The following CTNNA3 variants were observed in gnomAD, a reference collection of about 807,000 sequenced individuals.
CTNNA3 encodes catenin alpha 3, also known as catenin alpha-3.
Under a neutral mutation model 95.7 loss-of-function variants are expected in CTNNA3, and 76 were observed. The observed-to-expected ratio is 0.79, with a 90% CI of 0.66 to 0.96. CTNNA3 has a LOEUF of 0.96. Ranked by LOEUF, CTNNA3 falls within the 40% of genes least tolerant of loss-of-function variation. The pLI is 0.00. For synonymous variants in CTNNA3, 431 were observed against 374.4 expected (o/e 1.15, Z -1.74); for missense variants, 1,191 against 1,089.8 (o/e 1.09, Z -1.31).
intron 5 of CTNNA3, among the ~76,000 whole-genome samples, chr10:67,246,343 G>A (rs1228042873): frequency 1.3e-5 from 2 of 152,154 alleles, no homozygotes; most frequent in Non-Finnish European, 2.9e-5. Flanking sequence ...GCACCAAATG[G>A]AATCAGCAGA....
intron 1 of CTNNA3, among the ~76,000 whole-genome samples, chr10:67,671,598 G>C: frequency 6.6e-6 from 1 of 151,218 alleles, no homozygotes. Flanking sequence ...CTATGAGTGA[G>C]AACATGCGGT....
chr10:66,942,576 C>G (rs868709744), intron 7 of CTNNA3, among the ~76,000 whole-genome samples: 1,518 of 140,330 alleles, frequency 0.011, 16 homozygotes, highest in African/African-American at 0.028. Flanking sequence ...CTCTCTCTCT[C>G]TGTGTGTGTG....
At chr10:67,685,708 C>T (rs554455895) in intron 1 of CTNNA3, among the ~76,000 whole-genome samples, 3 of 152,280 alleles carry the variant, frequency 2.0e-5, no homozygotes, top group Non-Finnish European at 4.4e-5. Flanking sequence ...TTTTAATTTA[C>T]CCTGGCTTTT....
chr10:66,252,627 T>C (rs967920769), intron 13 of CTNNA3, among the ~76,000 whole-genome samples: 2 of 152,084 alleles, frequency 1.3e-5, no homozygotes, highest in Non-Finnish European at 2.9e-5. Flanking sequence ...GTAAACTGGG[T>C]TTAGAAAATT....
intron 7 of CTNNA3, among the ~76,000 whole-genome samples, chr10:66,800,671 T>C (rs1237354723): frequency 6.6e-6 from 1 of 151,246 alleles, no homozygotes; most frequent in Non-Finnish European, 1.5e-5. Flanking sequence ...AAAAAGTAGA[T>C]AACAATCAGG....
chr10:66,100,967 G>A (rs1310611998), intron 14 of CTNNA3, among the ~76,000 whole-genome samples: 2 of 152,034 alleles, frequency 1.3e-5, no homozygotes, highest in Non-Finnish European at 2.9e-5. Context: ...AAAAACTGAG[G>A]TGTGTTTATC....
intron 6 of CTNNA3, among the ~76,000 whole-genome samples, chr10:67,211,439 G>A (rs903534489): frequency 1.3e-5 from 2 of 152,066 alleles, no homozygotes; most frequent in Non-Finnish European, 2.9e-5. Flanking sequence ...TACTATCCAT[G>A]TGTTTTATTT....
chr10:67,638,310 C>T (rs1589519453), intron 2 of CTNNA3, among the ~76,000 whole-genome samples: 1 of 151,436 alleles, frequency 6.6e-6, no homozygotes. Context: ...ACAAGAAGAG[C>T]TTTCTAAATA....
At chr10:67,664,110 T>G (rs1230505323) in intron 1 of CTNNA3, among the ~76,000 whole-genome samples, 1 of 152,240 alleles carries the variant, frequency 6.6e-6, no homozygotes, top group Non-Finnish European at 1.5e-5. Context: ...TTACAACAAT[T>G]TATTTTTTAA....
chr10:67,065,741 C>CATATATGTGA (rs1337684694), intron 7 of CTNNA3, among the ~76,000 whole-genome samples: 3 of 152,106 alleles, frequency 2.0e-5, no homozygotes, highest in African/African-American at 7.2e-5. Context: ...ATAAAGGAGG[C>CATATATGTGA]ATATATGTGA....
At chr10:67,731,758 T>C (rs1364441968) in intron 1 of CTNNA3, among the ~76,000 whole-genome samples, 1 of 145,272 alleles carries the variant, frequency 6.9e-6, no homozygotes, top group Non-Finnish European at 1.5e-5. Context: ...GCCGCGATTA[T>C]GCCACTGCAC....
intron 16 of CTNNA3, 82 bp from the exon 17 acceptor site, chr10:65,966,828 G>A: frequency 9.6e-7 from 1 of 1,045,134 alleles, no homozygotes; most frequent in South Asian, 2.0e-5. Flanking sequence ...GTATTCACAT[G>A]GCAGGTACCT....
chr10:67,484,976 C>A (rs986857604), intron 5 of CTNNA3, among the ~76,000 whole-genome samples: 1 of 152,026 alleles, frequency 6.6e-6, no homozygotes, highest in Non-Finnish European at 1.5e-5. Flanking sequence ...AGTATATAAC[C>A]AAAAGAAAAT....
intron 10 of CTNNA3, among the ~76,000 whole-genome samples, chr10:66,542,528 G>T (rs1841891642): frequency 6.6e-6 from 1 of 152,034 alleles, no homozygotes; most frequent in South Asian, 2.1e-4. Context: ...AGAAAATGTG[G>T]CACATATACA....
At chr10:67,597,060 T>C (rs946145616) in intron 3 of CTNNA3, among the ~76,000 whole-genome samples, 2 of 152,250 alleles carry the variant, frequency 1.3e-5, no homozygotes, top group African/African-American at 4.8e-5. Context: ...CTGCTTTTAA[T>C]ACTTCCAGTT....
rs1250975008 is a variant in CTNNA3 at position 67,247,796 on chromosome 10, C to G, written c.580-27926G>C. The stretch of plus-strand genomic sequence containing the variant: ...TGCTTGTATCAAAATACCACCTGAA[C>G]CCCAAAAATATGTACAACTATTATA... On this transcript the variant is annotated intron_variant, in intron 5 of 17. Coordinates refer to ENST00000433211, the MANE Select transcript of CTNNA3 (RefSeq NM_013266.4). Among the ~76,000 whole-genome samples, 5 of 152,046 alleles carry G rather than the reference C, an allele frequency of 3.3e-5. No individual in the cohort carries two copies. The South Asian group carries it at 8.3e-4, about 25-fold the overall frequency.
At chr10:67,734,335 G>A (rs1841291363) in intron 1 of CTNNA3, among the ~76,000 whole-genome samples, 1 of 152,144 alleles carries the variant, frequency 6.6e-6, no homozygotes, top group African/African-American at 2.4e-5. Context: ...GGAGTTCAGA[G>A]TTGAAGAATC....
At chr10:67,701,896 A>G (rs1367025014) in intron 1 of CTNNA3, among the ~76,000 whole-genome samples, 3 of 152,180 alleles carry the variant, frequency 2.0e-5, no homozygotes, top group Admixed American at 2.0e-4. Flanking sequence ...ACGAGCAGAG[A>G]CACACATAGG....
chr10:67,153,122 C>T (rs529760147), intron 7 of CTNNA3, among the ~76,000 whole-genome samples: 1 of 151,978 alleles, frequency 6.6e-6, no homozygotes, highest in African/African-American at 2.4e-5. Flanking sequence ...ATTACAGGTG[C>T]CCACCACCAC....
Sources: allele counts gnomAD v4.1 joint callset (sites outside exome capture counted in the v4.1 genomes callset), GRCh38; gene constraint gnomAD v4.1.1; transcripts MANE v1.5; gene names NCBI Gene and HGNC (gene_info 2026-07-23, HGNC 2026-07-21).